Variants in KIF18A observed in about 807,000 individuals in gnomAD.
The protein encoded by KIF18A is kinesin family member 18A.
A neutral mutation model predicts 103.3 loss-of-function variants in KIF18A; 67 were observed. The observed-to-expected ratio is 0.65, with a 90% CI of 0.53 to 0.79. The LOEUF (loss-of-function observed/expected upper bound fraction) is 0.79. Among genes scored for constraint, KIF18A ranks in the 30% least tolerant of loss-of-function variants. The probability of loss-of-function intolerance (pLI) is 0.00; values close to 1 mark genes in which losing one functional copy is unlikely to be tolerated. For missense variants in KIF18A, 1,032 were observed against 1,062.5 expected (o/e 0.97, Z 0.40); for synonymous variants, 367 against 355.5 (o/e 1.03, Z -0.36).
At chr11:28,084,401 C>T (rs1851201011) in intron 7 of KIF18A, 1 of 150,080 alleles carries the variant, frequency 6.7e-6, no homozygotes, top group South Asian at 2.4e-4. Context: ...ACCATAGTAC[C>T]CAAAAGATCG....
Position 28,082,862 on chromosome 11 carries a change from ATTTCT to A in KIF18A, c.1251_1255del (p.Lys417AsnfsTer19), listed in dbSNP as rs1394879272. 7.6e-6 allele frequency: 12 copies of A among 1,571,660 alleles called. No homozygotes were observed. In the Admixed American group the frequency reaches 1.2e-4, roughly 16 times the overall value. On this transcript the variant is annotated frameshift_variant, in exon 9 of 17. Transcript: ENST00000263181. LOFTEE classifies it high-confidence loss of function. Reference sequence around the variant, plus strand: ...ATCTTAATGTAATGTTTACCTTTCGATTTCTTTTTCCTGAGGGTTTGAAATCATTA... The same window carrying A: ...ATCTTAATGTAATGTTTACCTTTCGATTTTCCTGAGGGTTTGAAATCATTA...
Position 28,101,079 on chromosome 11 carries a change from T to C in KIF18A, c.-46-3086A>G, listed in dbSNP as rs187229220. 8.1e-3 allele frequency among the ~76,000 whole-genome samples: 1,241 copies of C among 152,274 alleles called. 8 individuals are homozygous for C. The highest frequency in any genetic ancestry group is 0.014 in the Non-Finnish European group (983 of 68,008). ...TGCCAAAGAGACTGAGTTCATCTTT[T>C]GAGTTTTTCTCAATGGGCTTATGAC... On this transcript the variant is annotated intron_variant, in intron 1 of 16. Coordinates refer to ENST00000263181, the MANE Select transcript of KIF18A (RefSeq NM_031217.4).
chr11:28,102,207 C>G (rs1386436008), intron 1 of KIF18A, among the ~76,000 whole-genome samples: 2 of 152,124 alleles, frequency 1.3e-5, no homozygotes, highest in Non-Finnish European at 2.9e-5. Flanking sequence ...ATTTTACAAC[C>G]TGCTCTCTCT....
chr11:28,086,530 G>C (rs1851230726), intron 6 of KIF18A, among the ~76,000 whole-genome samples: 1 of 152,144 alleles, frequency 6.6e-6, no homozygotes, highest in Non-Finnish European at 1.5e-5. Context: ...TAAGCTAAAA[G>C]CAACCTAATG....
chr11:28,091,599 T>C, intron 3 of KIF18A, 86 bp from the exon 4 acceptor site: 2 of 608,084 alleles, frequency 3.3e-6, no homozygotes, highest in Non-Finnish European at 5.7e-6. Flanking sequence ...TTTAAAGTTA[T>C]TAGAATTTTA....
chr11:28,099,503 A>G (rs1851419604), intron 1 of KIF18A, among the ~76,000 whole-genome samples: 1 of 152,188 alleles, frequency 6.6e-6, no homozygotes, highest in Non-Finnish European at 1.5e-5. Context: ...TGGATATGTT[A>G]ATTAATTAGC....
intron 9 of KIF18A, among the ~76,000 whole-genome samples, chr11:28,080,215 A>T (rs907802176): frequency 6.6e-6 from 1 of 152,136 alleles, no homozygotes; most frequent in Non-Finnish European, 1.5e-5. Context: ...GGTTCTCTTC[A>T]ATATATGTAA....
At chr11:28,098,874 A>C (rs1028522828) in intron 1 of KIF18A, among the ~76,000 whole-genome samples, 2 of 148,002 alleles carry the variant, frequency 1.4e-5, no homozygotes, top group Non-Finnish European at 3.0e-5. Context: ...ACAACAACAA[A>C]AAGACAAAAA....
At position 28,077,181 on chromosome 11, in the gene KIF18A, A is replaced by G; in HGVS notation, c.1263-12T>C. ...GGATTTCTTGAAACCTACCAAAATTAAAACACATTACAGAATCTCACTAAT... is the reference window on the plus strand; with the variant it reads ...GGATTTCTTGAAACCTACCAAAATTGAAACACATTACAGAATCTCACTAAT... On this transcript the variant is annotated splice_polypyrimidine_tract_variant and intron_variant, in intron 9 of 16. Transcript: ENST00000263181. 6.5e-7 allele frequency: 1 copy of G among 1,544,892 alleles called. No individual in the cohort carries two copies. Among genetic ancestry groups the G allele is most frequent in the Non-Finnish European group, 8.7e-7 (1 of 1,152,552 alleles).
chr11:28,044,515 A>G (rs1850603613), intron 13 of KIF18A, among the ~76,000 whole-genome samples: 1 of 152,124 alleles, frequency 6.6e-6, no homozygotes, highest in Non-Finnish European at 1.5e-5. Flanking sequence ...AAGGCATCCT[A>G]TAAAAAACTG....
At chr11:28,078,995 CAAGT>C (rs1264912535) in intron 9 of KIF18A, among the ~76,000 whole-genome samples, 8 of 151,990 alleles carry the variant, frequency 5.3e-5, no homozygotes, top group Admixed American at 4.6e-4. Flanking sequence ...TTCATAAATA[CAAGT>C]AAGTTACTTA....
intron 15 of KIF18A, among the ~76,000 whole-genome samples, chr11:28,030,226 A>G (rs1465249917): frequency 6.7e-6 from 1 of 149,834 alleles, no homozygotes; most frequent in South Asian, 2.1e-4. Flanking sequence ...TTGCCAAGAC[A>G]ATCCTAAGGC....
intron 6 of KIF18A, among the ~76,000 whole-genome samples, chr11:28,086,408 A>G (rs1448739400): frequency 6.6e-6 from 1 of 152,216 alleles, no homozygotes; most frequent in Non-Finnish European, 1.5e-5. Context: ...CCTAAAAAGA[A>G]AAAAGTAAAA....
In KIF18A at chr11:28,069,219, T is replaced by C. The variant is rs372642187; in HGVS notation, c.1590+40A>G. ...AAAAGAACACATTTTAGGAGCTCAG[T>C]TCCTACAAATTAAATCTGAACATAC... On this transcript the variant is annotated intron_variant, in intron 11 of 16. Transcript: ENST00000263181. 27 of 1,518,722 alleles carry C rather than the reference T, an allele frequency of 1.8e-5. No individual in the cohort carries two copies. The African/African-American group carries it at 3.4e-4, about 19-fold the overall frequency. 94.1% of individuals were successfully genotyped at this position (1,518,722 alleles called of 1,614,324 possible).
chr11:28,084,892 G>A (rs1192816776), intron 6 of KIF18A, 84 bp from the exon 7 acceptor site: 6 of 1,032,626 alleles, frequency 5.8e-6, no homozygotes, highest in African/African-American at 1.6e-5. Flanking sequence ...ACTGTGGGGG[G>A]AGGATTACCT....
rs1851289105 is a variant in KIF18A at position 28,090,666 on chromosome 11, T to C, written c.650A>G (p.His217Arg). Residue 217 changes from histidine to arginine, a missense_variant, in exon 5 of 17, where the codon CAT becomes CGT. Coordinates refer to ENST00000263181, the MANE Select transcript of KIF18A (RefSeq NM_031217.4). ...AGATGTGGCATTCATATCAGTGGGA[T>C]GTTGTGTCCTGTTTTTGTTTCCATT... ...LDNGNKNRTQ[H>R]PTDMNATSSR... 1 of 1,610,614 alleles carries C rather than the reference T, an allele frequency of 6.2e-7. No individual in the cohort carries two copies. The highest frequency in any genetic ancestry group is 1.3e-5 in the African/African-American group (1 of 74,836).
intron 13 of KIF18A, among the ~76,000 whole-genome samples, chr11:28,049,660 G>C (rs924953152): frequency 6.6e-6 from 1 of 152,060 alleles, no homozygotes; most frequent in East Asian, 1.9e-4. Flanking sequence ...TGTACGTGAG[G>C]AGAAATTCTG....
At chr11:28,099,848 T>G (rs1387149501) in intron 1 of KIF18A, among the ~76,000 whole-genome samples, 1 of 152,070 alleles carries the variant, frequency 6.6e-6, no homozygotes, top group Non-Finnish European at 1.5e-5. Flanking sequence ...AAAGAACAAC[T>G]GGAAGTCGTT....
chr11:28,087,239 C>A (rs1316230439), intron 6 of KIF18A, among the ~76,000 whole-genome samples: 1 of 152,176 alleles, frequency 6.6e-6, no homozygotes, highest in African/African-American at 2.4e-5. Flanking sequence ...CCCCCACACC[C>A]CCTGACAGGC....
Sources: allele counts gnomAD v4.1 joint callset (sites outside exome capture counted in the v4.1 genomes callset), GRCh38; gene constraint gnomAD v4.1.1; transcripts MANE v1.5; gene names NCBI Gene and HGNC (gene_info 2026-07-23, HGNC 2026-07-21).